MGAM2: variants seen among roughly 807,000 people sequenced by gnomAD.
MGAM2 encodes the protein probable maltase-glucoamylase 2.
In MGAM2, 98 loss-of-function variants were observed where a neutral mutation model predicts 96.1. The observed-to-expected ratio is 1.02, with a 90% CI of 0.87 to 1.21. MGAM2 has a LOEUF of 1.21. Ranked by LOEUF, MGAM2 falls within the 50% of genes most tolerant of loss-of-function variation. The pLI, the probability that MGAM2 is intolerant of heterozygous loss-of-function variation, is 0.00. For synonymous variants in MGAM2, 749 were observed against 414.8 expected, an observed-to-expected ratio of 1.81 and a Z score of -9.79; for missense variants, 2,055 against 1,182.4, an observed-to-expected ratio of 1.74 and a Z score of -10.82.
At chr7:142,157,096 A>G (rs927766277) in intron 17 of MGAM2, among the ~76,000 whole-genome samples, 5 of 152,222 alleles carry the variant, frequency 3.3e-5, no homozygotes, top group African/African-American at 4.8e-5. Context: ...TGGTGGAAAC[A>G]TTACAGATAA....
intron 3 of MGAM2, among the ~76,000 whole-genome samples, chr7:142,121,386 C>A (rs555097025): frequency 6.6e-6 from 1 of 152,196 alleles, no homozygotes; most frequent in African/African-American, 2.4e-5. Context: ...CCGTGTTGGC[C>A]AGGAGGCCTC....
intron 34 of MGAM2, among the ~76,000 whole-genome samples, chr7:142,185,496 A>C (rs1272113779): frequency 1.3e-5 from 2 of 152,178 alleles, no homozygotes; most frequent in Admixed American, 6.5e-5. Flanking sequence ...ATCTGCATAC[A>C]AAAGAAAATA....
intron 37 of MGAM2, among the ~76,000 whole-genome samples, chr7:142,194,863 T>C (rs1796983309): frequency 6.6e-6 from 1 of 152,164 alleles, no homozygotes; most frequent in Non-Finnish European, 1.5e-5. Flanking sequence ...TATTGATCTG[T>C]GATGCTTTTT....
rs770486238 is a variant in MGAM2 at position 142,221,215 on chromosome 7, C to G, written c.6704C>G (p.Ala2235Gly). 57 of 701,658 alleles carry G rather than the reference C, an allele frequency of 8.1e-5. 1 individual carries two copies. Among genetic ancestry groups the G allele is most frequent in the South Asian group, 8.0e-4 (54 of 67,500 alleles). 43.5% of individuals were successfully genotyped at this position (701,658 alleles called of 1,614,324 possible). A position where few individuals can be genotyped will look rare whatever the true frequency, so the allele number is the denominator to read the frequency against. ...GATGTTGCTAGCACAAATAATGATG[C>G]TTCTATGACAAATTTTCTTTTAGCT... ...STDVASTNND[A>G]SMTNFLLATM... The change falls in exon 48 of 48, where the codon GCT (alanine) becomes GGT (glycine). Residue 2235 changes from alanine (A) to glycine (G), a missense_variant. By Grantham distance (60) the Ala-to-Gly change is moderately conservative. Coordinates refer to ENST00000477922, the MANE Select transcript of MGAM2 (RefSeq NM_001293626.2).
intron 45 of MGAM2, among the ~76,000 whole-genome samples, 184 bp downstream of exon 45, chr7:142,200,152 G>A (rs1245284850): frequency 6.6e-6 from 1 of 152,034 alleles, no homozygotes; most frequent in African/African-American, 2.4e-5. Context: ...GTATAGACTG[G>A]GTACAGTCCC....
At chr7:142,142,225 A>G (rs1231631007) in intron 12 of MGAM2, among the ~76,000 whole-genome samples, 1 of 151,898 alleles carries the variant, frequency 6.6e-6, no homozygotes, top group Non-Finnish European at 1.5e-5. Context: ...TCTGCACACC[A>G]AGTCTTTGCT....
chr7:142,117,495 G>A lies in MGAM2; in HGVS notation c.106+516G>A, dbSNP rs73545355. Among the ~76,000 whole-genome samples, 637 of 152,164 alleles carry A rather than the reference G, an allele frequency of 4.2e-3. 1 individual carries two copies. Among genetic ancestry groups the A allele is most frequent in the East Asian group, 0.017 (86 of 5,184 alleles). ...TCAAACAGAATGCCTTCTCTTTCAC[G>A]CACATATTATAATTTAAATAATAAA... On this transcript the variant is annotated intron_variant, in intron 2 of 47. Transcript: ENST00000477922.
At chr7:142,212,833 A>T (rs2129106029) in intron 46 of MGAM2, among the ~76,000 whole-genome samples, 1 of 152,330 alleles carries the variant, frequency 6.6e-6, no homozygotes, top group South Asian at 2.1e-4. Flanking sequence ...GACCAAGCAG[A>T]TGTAATAGAC....
chr7:142,128,840 G>A (rs1489688497), intron 3 of MGAM2, among the ~76,000 whole-genome samples: 1 of 152,218 alleles, frequency 6.6e-6, no homozygotes, highest in Non-Finnish European at 1.5e-5. Flanking sequence ...CAGTGCGGAA[G>A]GGAAATGTGG....
rs1401005255 is a variant in MGAM2, at chr7:142,220,689, A to G, written c.6178A>G (p.Ile2060Val). 2.6e-5 allele frequency: 18 copies of G among 702,272 alleles called. No individual in the cohort carries two copies. Among genetic ancestry groups the G allele is most frequent in the African/African-American group, 1.6e-4 (9 of 57,246 alleles). The allele number at this position is 702,272 out of a possible 1,614,324, so 43.5% of individuals were successfully genotyped here. A position where few individuals can be genotyped will look rare whatever the true frequency, so the allele number is the denominator to read the frequency against. Residue 2060 changes from isoleucine to valine, a missense_variant, in exon 48 of 48, where the codon ATT becomes GTT. Transcript: ENST00000477922. The part of the protein sequence containing the change: ...TSTSTSATVP[I>V]TTTPSPTNTA... ...TACTAGCACTAGTGCTACTGTTCCT[A>G]TTACAACCACACCTTCCCCTACAAA...
chr7:142,120,305 C>A lies in MGAM2; in HGVS notation c.110C>A (p.Thr37Asn). ...LLLVLEETSDTSFTPECPEIP... is the reference protein window; with the variant it reads ...LLLVLEETSDNSFTPECPEIP... Reference sequence around the variant, plus strand: ...TTATCCTTTAATTCCTATGCAGATACTTCATTTACTCCAGAGTGCCCAGAG... The same window carrying A: ...TTATCCTTTAATTCCTATGCAGATAATTCATTTACTCCAGAGTGCCCAGAG... The change falls in exon 3 of 48, where the codon ACT becomes AAT. Residue 37 changes from threonine to asparagine, a missense_variant. Coordinates refer to ENST00000477922, the MANE Select transcript of MGAM2 (RefSeq NM_001293626.2). The A allele has an allele frequency of 1.4e-6, 1 of 702,984 alleles. No individual in the cohort carries two copies. The highest frequency in any genetic ancestry group is 2.6e-6 in the Non-Finnish European group (1 of 384,898). The allele number at this position is 702,984 out of a possible 1,614,324, so 43.5% of individuals were successfully genotyped here. A position where few individuals can be genotyped will look rare whatever the true frequency, so the allele number is the denominator to read the frequency against.
At chr7:142,157,792 G>A in intron 17 of MGAM2, 145 bp from the exon 18 acceptor site, 1 of 610,876 alleles carries the variant, frequency 1.6e-6, no homozygotes, top group Non-Finnish European at 2.9e-6. Flanking sequence ...GAAGGAGTAG[G>A]ATTAGTATCT....
intron 7 of MGAM2, among the ~76,000 whole-genome samples, chr7:142,134,483 A>G (rs1794996221): frequency 6.6e-6 from 1 of 152,192 alleles, no homozygotes; most frequent in African/African-American, 2.4e-5. Context: ...GAGGAAAGGA[A>G]GGCTTCAGTA....
rs1019206403 is a variant in MGAM2, at chr7:142,170,088, C to T, written c.3041C>T (p.Thr1014Ile). ...TCTTCTTGCCAGATCTATGACCCCA[C>T]TAATAAAAGGTATGAGGTTCCAGTA... ...TMLQVKIYDP[T>I]NKRYEVPVPL... is the part of the protein sequence containing the mutation. The change falls in exon 27 of 48, where the codon ACT becomes ATT. Residue 1014 changes from threonine to isoleucine, a missense_variant. Coordinates refer to ENST00000477922, the MANE Select transcript of MGAM2 (RefSeq NM_001293626.2). 1.4e-6 allele frequency: 1 copy of T among 701,632 alleles called. No homozygotes were observed. Among genetic ancestry groups the T allele is most frequent in the East Asian group, 2.7e-5 (1 of 37,268 alleles). 43.5% of individuals were successfully genotyped at this position (701,632 alleles called of 1,614,324 possible). A position where few individuals can be genotyped will look rare whatever the true frequency, so the allele number is the denominator to read the frequency against.
chr7:142,165,987 T>A, intron 24 of MGAM2, 111 bp from the exon 25 acceptor site: 1 of 568,714 alleles, frequency 1.8e-6, no homozygotes, highest in South Asian at 2.4e-5. Context: ...CAAAATGGTT[T>A]TGGAGGAAGG....
At chr7:142,158,389 T>C in intron 19 of MGAM2, 57 bp downstream of exon 19, 1 of 697,798 alleles carries the variant, frequency 1.4e-6, no homozygotes, top group South Asian at 1.5e-5. Context: ...CATGGTTCTA[T>C]AGCTGGATAA....
chr7:142,221,513 C>A lies in MGAM2; in HGVS notation c.7002C>A (p.Thr2334=), dbSNP rs1422667315. The change falls in exon 48 of 48, where the codon ACC becomes ACA. Residue 2334 remains threonine, a synonymous_variant. Coordinates refer to ENST00000477922, the MANE Select transcript of MGAM2 (RefSeq NM_001293626.2). ...FTTDKITNFT[T]PTNANTIIFN... ...CTGATAAAATTACTAATTTTACTACCCCTACAAATGCAAACACCATTATTT... is the reference window on the plus strand; with the variant it reads ...CTGATAAAATTACTAATTTTACTACACCTACAAATGCAAACACCATTATTT... 3.7e-6 allele frequency: 2 copies of A among 544,714 alleles called. No individual in the cohort carries two copies. Among genetic ancestry groups the A allele is most frequent in the African/African-American group, 3.8e-5 (2 of 53,026 alleles). 33.7% of individuals were successfully genotyped at this position (544,714 alleles called of 1,614,324 possible).
chr7:142,153,325 G>A (rs947277545), intron 15 of MGAM2, among the ~76,000 whole-genome samples: 2 of 152,120 alleles, frequency 1.3e-5, no homozygotes, highest in African/African-American at 2.4e-5. Flanking sequence ...ATTGTTTTAC[G>A]TAACATGTAA....
chr7:142,204,239 T>A (rs936489232), intron 45 of MGAM2, among the ~76,000 whole-genome samples: 2 of 151,974 alleles, frequency 1.3e-5, no homozygotes, highest in African/African-American at 4.8e-5. Flanking sequence ...AAGTTTTTGA[T>A]GGTATTTTAA....
Sources: gnomAD v4.1 joint callset for allele counts (sites outside exome capture counted in the v4.1 genomes callset) on GRCh38, gnomAD v4.1.1 for gene constraint, MANE v1.5 for transcripts, NCBI Gene and HGNC (gene_info 2026-07-23, HGNC 2026-07-21) for gene names.